The following COG6 variants were observed in gnomAD, a reference collection of about 807,000 sequenced individuals.
COG6 encodes conserved oligomeric Golgi complex subunit 6.
COG6 carries 74 observed loss-of-function variants against 88.8 expected under a neutral mutation model. The ratio of observed to expected loss-of-function variants is 0.83; its 90% CI spans 0.69 to 1.01. COG6 has a LOEUF of 1.01. Among genes scored for constraint, COG6 ranks in the 50% least tolerant of loss-of-function variants. The probability of loss-of-function intolerance (pLI) is 0.00; values close to 1 mark genes in which losing one functional copy is unlikely to be tolerated. For missense variants in COG6, 800 were observed against 797.9 expected (o/e 1.00, Z -0.03); for synonymous variants, 286 against 278.7 (o/e 1.03, Z -0.26).
chr13:39,713,450 A>G (rs1424973326), intron 13 of COG6, among the ~76,000 whole-genome samples: 2 of 151,994 alleles, frequency 1.3e-5, no homozygotes, highest in Non-Finnish European at 2.9e-5. Context: ...AGAAATATAG[A>G]CTTGGCCAGG....
chr13:39,707,727 G>T (rs998542960), intron 13 of COG6, among the ~76,000 whole-genome samples: 11 of 152,046 alleles, frequency 7.2e-5, no homozygotes, highest in Admixed American at 3.3e-4. Context: ...ATGTTCAGTA[G>T]TTCATTTTTT....
intron 18 of COG6, among the ~76,000 whole-genome samples, chr13:39,774,699 C>T (rs914591908): frequency 6.6e-5 from 10 of 151,994 alleles, no homozygotes; most frequent in African/African-American, 9.6e-5. Context: ...CTCAGCCTCC[C>T]GAGTAGCTAG....
At chr13:39,656,205 G>T in intron 1 of COG6, 1 of 524,538 alleles carries the variant, frequency 1.9e-6, no homozygotes, top group Non-Finnish European at 3.7e-6. Flanking sequence ...TTGGCTGTGT[G>T]AGCTGGGAGA....
At chr13:39,748,913 T>A (rs1459618867) in intron 18 of COG6, among the ~76,000 whole-genome samples, 2 of 152,198 alleles carry the variant, frequency 1.3e-5, no homozygotes, top group Non-Finnish European at 2.9e-5. Context: ...ATCCAACTAT[T>A]TTCTTTTCTA....
At chr13:39,658,413 GATTAC>G (rs765708366) in intron 1 of COG6, among the ~76,000 whole-genome samples, 10 of 152,022 alleles carry the variant, frequency 6.6e-5, no homozygotes, top group Non-Finnish European at 1.2e-4. Context: ...AAACTGCTGG[GATTAC>G]AGGTGTAAGC....
chr13:39,719,678 G>A lies in COG6; in HGVS notation c.1435G>A (p.Asp479Asn). 1 of 1,612,514 alleles carries A rather than the reference G, an allele frequency of 6.2e-7. No homozygotes were observed. Among genetic ancestry groups the A allele is most frequent in the African/African-American group, 1.3e-5 (1 of 74,904 alleles). Residue 479 changes from aspartate to asparagine, a missense_variant, in exon 15 of 19, where the codon GAT becomes AAT. Transcript: ENST00000455146. ...DFVQVLSCVLDPLLQMCTVSA... is the reference protein window; with the variant it reads ...DFVQVLSCVLNPLLQMCTVSA... ...TTTGTAGGTTTTATCATGTGTCTTG[G>A]ATCCTCTCCTACAGATGTGTACTGT...
chr13:39,709,672 G>A (rs1878132701), intron 13 of COG6, among the ~76,000 whole-genome samples: 1 of 152,102 alleles, frequency 6.6e-6, no homozygotes, highest in East Asian at 1.9e-4. Context: ...ATATATATGT[G>A]TGTGTGTATA....
downstream of COG6, among the ~76,000 whole-genome samples, chr13:39,752,806 G>T (rs988778908): frequency 2.0e-5 from 3 of 152,120 alleles, no homozygotes; most frequent in Admixed American, 6.6e-5. Flanking sequence ...ATAAAACATT[G>T]TAAGTAATAA....
chr13:39,684,542 G>A (rs569223948), intron 8 of COG6, among the ~76,000 whole-genome samples: 130 of 152,172 alleles, frequency 8.5e-4, no homozygotes, highest in Non-Finnish European at 1.7e-3. Context: ...GAGCCACCGC[G>A]CCTGGCCAAT....
chr13:39,677,818 C>G (rs186453826), intron 5 of COG6, among the ~76,000 whole-genome samples: 1 of 152,168 alleles, frequency 6.6e-6, no homozygotes, highest in Admixed American at 6.5e-5. Context: ...TTCCTCACCT[C>G]TAGGTCTTTT....
Position 39,751,222 on chromosome 13 carries a change from C to G in COG6, c.*129C>G. 1 of 1,514,916 alleles carries G rather than the reference C, an allele frequency of 6.6e-7. No individual in the cohort carries two copies. Among genetic ancestry groups the G allele is most frequent in the Non-Finnish European group, 8.8e-7 (1 of 1,135,876 alleles). 93.8% of individuals were successfully genotyped at this position (1,514,916 alleles called of 1,614,324 possible). On this transcript the variant is annotated 3_prime_UTR_variant, in exon 19 of 19. Coordinates refer to ENST00000455146, the MANE Select transcript of COG6 (RefSeq NM_020751.3). The stretch of plus-strand genomic sequence containing the variant: ...CTTTGTATCATAAGATTGTAAGTCC[C>G]GATAATTTTTTTTTTTTTGGTCTCA...
intron 13 of COG6, among the ~76,000 whole-genome samples, chr13:39,715,151 C>T (rs1327320757): frequency 6.6e-6 from 1 of 151,892 alleles, no homozygotes; most frequent in Non-Finnish European, 1.5e-5. Flanking sequence ...GACTTCGCCA[C>T]AGTACAATCA....
chr13:39,669,817 A>G (rs578071781), intron 4 of COG6, among the ~76,000 whole-genome samples: 2 of 152,228 alleles, frequency 1.3e-5, no homozygotes, highest in East Asian at 3.9e-4. Context: ...GGAAGTGAAA[A>G]TTTATGACAT....
intron 13 of COG6, among the ~76,000 whole-genome samples, chr13:39,705,988 A>G (rs1465114029): frequency 6.6e-6 from 1 of 151,890 alleles, no homozygotes; most frequent in Non-Finnish European, 1.5e-5. Flanking sequence ...TTTATCTGAA[A>G]TGCTTTAATA....
At chr13:39,722,900 G>A (rs1878925335) in intron 15 of COG6, among the ~76,000 whole-genome samples, 1 of 151,988 alleles carries the variant, frequency 6.6e-6, no homozygotes, top group Admixed American at 6.6e-5. Flanking sequence ...AGCTGTAGTG[G>A]GATTTCCTCT....
intron 12 of COG6, among the ~76,000 whole-genome samples, chr13:39,699,081 G>T (rs1365211643): frequency 6.6e-6 from 1 of 151,814 alleles, no homozygotes; most frequent in East Asian, 1.9e-4. Flanking sequence ...TTAATTAAAA[G>T]AATAACTCAG....
chr13:39,677,423 C>T, intron 4 of COG6, 45 bp from the exon 5 acceptor site: 1 of 1,068,346 alleles, frequency 9.4e-7, no homozygotes, highest in Non-Finnish European at 1.5e-6. Context: ...AGCTATGCAA[C>T]TGTGTAAGAT....
intron 12 of COG6, among the ~76,000 whole-genome samples, chr13:39,694,967 A>G (rs1378508299): frequency 4.0e-5 from 6 of 149,796 alleles, no homozygotes; most frequent in Non-Finnish European, 7.5e-5. Flanking sequence ...ACACACACAC[A>G]CACACACACA....
At chr13:39,760,367 T>G (rs1486024169) in intron 18 of COG6, among the ~76,000 whole-genome samples, 1 of 152,154 alleles carries the variant, frequency 6.6e-6, no homozygotes, top group Non-Finnish European at 1.5e-5. Flanking sequence ...TTGCCATACG[T>G]ATTTAATTGC....
Sources: gnomAD v4.1 joint callset for allele counts (sites outside exome capture counted in the v4.1 genomes callset) on GRCh38, gnomAD v4.1.1 for gene constraint, MANE v1.5 for transcripts, NCBI Gene and HGNC (gene_info 2026-07-23, HGNC 2026-07-21) for gene names.